The following HS6ST3 variants were observed in gnomAD, a reference collection of about 807,000 sequenced individuals.
HS6ST3 encodes the protein heparan-sulfate 6-O-sulfotransferase 3.
Under a neutral mutation model 36.7 loss-of-function variants are expected in HS6ST3, and 12 were observed. That is an observed-to-expected ratio of 0.33 (90% CI 0.21 to 0.53). HS6ST3 has a LOEUF of 0.53. Ranked by LOEUF, HS6ST3 falls within the 20% of genes least tolerant of loss-of-function variation. HS6ST3 has a pLI of 0.95. For synonymous variants in HS6ST3, 240 were observed against 257.5 expected, an observed-to-expected ratio of 0.93 and a Z score of 0.65; for missense variants, 584 against 640.9, an observed-to-expected ratio of 0.91 and a Z score of 0.96.
intron 1 of HS6ST3, among the ~76,000 whole-genome samples, chr13:96,296,124 T>C (rs1361750818): frequency 6.6e-6 from 1 of 152,210 alleles, no homozygotes; most frequent in Non-Finnish European, 1.5e-5. Flanking sequence ...GCTCCACGTG[T>C]GTCTGGTGGC....
At chr13:96,674,794 A>G (rs1013564228) in intron 1 of HS6ST3, among the ~76,000 whole-genome samples, 6 of 152,004 alleles carry the variant, frequency 3.9e-5, no homozygotes, top group African/African-American at 1.2e-4. Context: ...TCCTCCTCCT[A>G]TGCGTCATAC....
chr13:96,643,873 C>A (rs569063628), intron 1 of HS6ST3, among the ~76,000 whole-genome samples: 1 of 151,772 alleles, frequency 6.6e-6, no homozygotes, highest in Non-Finnish European at 1.5e-5. Flanking sequence ...GGGCATAGGG[C>A]AAGTTAAAAT....
intron 1 of HS6ST3, among the ~76,000 whole-genome samples, chr13:96,374,671 G>C (rs1339800950): frequency 2.0e-5 from 3 of 152,204 alleles, no homozygotes; most frequent in Admixed American, 2.0e-4. Context: ...TGAGGGTCTT[G>C]AGTGGTAAAA....
intron 1 of HS6ST3, among the ~76,000 whole-genome samples, chr13:96,421,611 A>G (rs896534773): frequency 5.3e-5 from 8 of 152,114 alleles, no homozygotes; most frequent in Non-Finnish European, 4.4e-5. Flanking sequence ...GCTTCTGCCT[A>G]GAGGCCCTGT....
At chr13:96,699,956 TA>T (rs1875240869) in intron 1 of HS6ST3, among the ~76,000 whole-genome samples, 1 of 152,212 alleles carries the variant, frequency 6.6e-6, no homozygotes, top group East Asian at 1.9e-4. Context: ...ACAACACCTT[TA>T]AAATATTTCA....
chr13:96,146,934 G>C (rs1485291062), intron 1 of HS6ST3, among the ~76,000 whole-genome samples: 3 of 152,296 alleles, frequency 2.0e-5, no homozygotes, highest in East Asian at 1.9e-4. Flanking sequence ...GAATTCAGCT[G>C]CAAAAGAAGG....
intron 1 of HS6ST3, among the ~76,000 whole-genome samples, chr13:96,579,144 A>G (rs1344386879): frequency 6.6e-6 from 1 of 152,138 alleles, no homozygotes; most frequent in Non-Finnish European, 1.5e-5. Context: ...TACTGTTTAT[A>G]ATAAAAATCA....
chr13:96,155,531 A>G (rs1303661328), intron 1 of HS6ST3, among the ~76,000 whole-genome samples: 1 of 152,168 alleles, frequency 6.6e-6, no homozygotes, highest in Non-Finnish European at 1.5e-5. Context: ...GATAATTTAT[A>G]CAATAAAAAT....
At chr13:96,713,415 A>T (rs1338346824) in intron 1 of HS6ST3, among the ~76,000 whole-genome samples, 1 of 152,180 alleles carries the variant, frequency 6.6e-6, no homozygotes, top group Non-Finnish European at 1.5e-5. Context: ...AGATTCAGAG[A>T]TGTTTAAAAC....
At chr13:96,207,778 G>A (rs911770465) in intron 1 of HS6ST3, among the ~76,000 whole-genome samples, 12 of 152,274 alleles carry the variant, frequency 7.9e-5, no homozygotes, top group African/African-American at 2.9e-4. Context: ...TGAATGATGA[G>A]AATGCATGGG....
chr13:96,305,139 G>A (rs1313835209), intron 1 of HS6ST3, among the ~76,000 whole-genome samples: 1 of 151,958 alleles, frequency 6.6e-6, no homozygotes, highest in Admixed American at 6.6e-5. Context: ...TTGTATACAT[G>A]GATCTTATTA....
chr13:96,431,491 T>C (rs1350897517), intron 1 of HS6ST3, among the ~76,000 whole-genome samples: 3 of 152,158 alleles, frequency 2.0e-5, no homozygotes, highest in Admixed American at 6.5e-5. Context: ...CCTCACATCT[T>C]CTTCTTCTGA....
At chr13:96,514,352 A>C (rs895320478) in intron 1 of HS6ST3, among the ~76,000 whole-genome samples, 1 of 152,192 alleles carries the variant, frequency 6.6e-6, no homozygotes, top group Non-Finnish European at 1.5e-5. Context: ...TTCAATTTCA[A>C]GGTTTTTCTC....
intron 1 of HS6ST3, among the ~76,000 whole-genome samples, chr13:96,263,256 G>A (rs1188755709): frequency 1.3e-5 from 2 of 152,140 alleles, no homozygotes; most frequent in Non-Finnish European, 2.9e-5. Context: ...TCCACTGGAG[G>A]TAGAGAAAAT....
intron 1 of HS6ST3, among the ~76,000 whole-genome samples, chr13:96,625,709 G>A (rs1295375639): frequency 6.6e-6 from 1 of 151,582 alleles, no homozygotes; most frequent in Non-Finnish European, 1.5e-5. Context: ...GCCCATTTTT[G>A]TTCTTATTAA....
intron 1 of HS6ST3, among the ~76,000 whole-genome samples, chr13:96,164,105 A>G (rs1483165119): frequency 6.6e-6 from 1 of 152,108 alleles, no homozygotes; most frequent in Non-Finnish European, 1.5e-5. Flanking sequence ...GTCACTTTAA[A>G]TGGGATTAGG....
At chr13:96,480,452 G>A (rs2055885191) in intron 1 of HS6ST3, among the ~76,000 whole-genome samples, 1 of 152,142 alleles carries the variant, frequency 6.6e-6, no homozygotes, top group Admixed American at 6.5e-5. Context: ...ATGTGTTTAA[G>A]TGTGACTGTG....
At chr13:96,116,171 G>A (rs1308215328) in intron 1 of HS6ST3, among the ~76,000 whole-genome samples, 2 of 152,182 alleles carry the variant, frequency 1.3e-5, no homozygotes, top group Non-Finnish European at 2.9e-5. Flanking sequence ...CGGGAACTCG[G>A]CCGCAGGAAT....
chr13:96,334,768 C>A (rs963286512), intron 1 of HS6ST3, among the ~76,000 whole-genome samples: 1 of 152,190 alleles, frequency 6.6e-6, no homozygotes, highest in African/African-American at 2.4e-5. Context: ...CCGGGTCCCT[C>A]CCACAACACT....
Sources: gnomAD v4.1 joint callset for allele counts (sites outside exome capture counted in the v4.1 genomes callset) on GRCh38, gnomAD v4.1.1 for gene constraint, MANE v1.5 for transcripts, NCBI Gene and HGNC (gene_info 2026-07-23, HGNC 2026-07-21) for gene names.